CRISP1: variants seen among roughly 807,000 people sequenced by gnomAD.
CRISP1 encodes the protein cysteine rich secretory protein 1.
In CRISP1, 44 loss-of-function variants were observed where a neutral mutation model predicts 33.1. That is an observed-to-expected ratio of 1.33 (90% CI 1.05 to 1.71). The LOEUF is 1.71. CRISP1 is among the 40% of genes most tolerant of loss of function. The pLI is 0.00. For synonymous variants in CRISP1, 103 were observed against 98.7 expected (o/e 1.04, Z -0.26); for missense variants, 390 against 301.2 (o/e 1.29, Z -2.18).
chr6:49,856,032 G>C (rs187116437), intron 2 of CRISP1, among the ~76,000 whole-genome samples: 1 of 152,112 alleles, frequency 6.6e-6, no homozygotes, highest in Non-Finnish European at 1.5e-5. Flanking sequence ...ATAATTCTCT[G>C]TTATAGAGCA....
chr6:49,842,929 A>T (rs1771041477), intron 5 of CRISP1, among the ~76,000 whole-genome samples: 1 of 152,132 alleles, frequency 6.6e-6, no homozygotes. Flanking sequence ...AATTTCTCTG[A>T]TTTCATTGTC....
At chr6:49,856,663 C>A (rs954678978) in intron 2 of CRISP1, among the ~76,000 whole-genome samples, 32 of 152,000 alleles carry the variant, frequency 2.1e-4, no homozygotes, top group Non-Finnish European at 4.4e-4. Flanking sequence ...ATTTTCTATA[C>A]CAAAGTTATT....
chr6:49,874,618 G>C (rs866648004), intron 1 of CRISP1, among the ~76,000 whole-genome samples: 2 of 151,890 alleles, frequency 1.3e-5, no homozygotes, highest in African/African-American at 4.8e-5. Context: ...AAAACTTCAG[G>C]TCAATATCCT....
chr6:49,853,666 T>C (rs1771414967), intron 2 of CRISP1, among the ~76,000 whole-genome samples: 1 of 152,184 alleles, frequency 6.6e-6, no homozygotes, highest in Non-Finnish European at 1.5e-5. Flanking sequence ...TGTTCTTTAA[T>C]ATAATCGAGC....
In CRISP1 at chr6:49,871,704, C is replaced by T. The variant is rs576023502; in HGVS notation, c.-3+5305G>A. On this transcript the variant is annotated intron_variant, in intron 1 of 7. Transcript: ENST00000505118. ...TGAGAATGATGGTTTCCAGCTTCATCCATGTCCCTACAAAGGACATGAACT... is the reference window on the plus strand; with the variant it reads ...TGAGAATGATGGTTTCCAGCTTCATTCATGTCCCTACAAAGGACATGAACT... 1.5e-3 allele frequency among the ~76,000 whole-genome samples: 225 copies of T among 151,974 alleles called. 1 individual carries two copies. Among genetic ancestry groups the T allele is most frequent in the African/African-American group, 5.1e-3 (212 of 41,464 alleles).
chr6:49,858,527 G>A (rs999795348), intron 1 of CRISP1, among the ~76,000 whole-genome samples: 5 of 152,176 alleles, frequency 3.3e-5, no homozygotes, highest in Admixed American at 6.5e-5. Flanking sequence ...CCTGCTGACT[G>A]CCAGACATGC....
At chr6:49,871,905 G>T (rs1582289655) in intron 1 of CRISP1, among the ~76,000 whole-genome samples, 1 of 152,034 alleles carries the variant, frequency 6.6e-6, no homozygotes, top group East Asian at 1.9e-4. Flanking sequence ...AATCCTTTGG[G>T]TATATACCTA....
rs1406443906 is a variant in CRISP1, at chr6:49,835,207, A to T, written c.*109T>A. Reference sequence around the variant, plus strand: ...GGGAGTTAAGGTCTCCAGCATGATTAAAATCAGTGAAATTTAGCAGAAGCT... The same window carrying T: ...GGGAGTTAAGGTCTCCAGCATGATTTAAATCAGTGAAATTTAGCAGAAGCT... On this transcript the variant is annotated 3_prime_UTR_variant, in exon 8 of 8. Coordinates refer to ENST00000335847, the MANE Select transcript of CRISP1 (RefSeq NM_001131.3). The T allele has an allele frequency of 8.3e-7, 1 of 1,209,002 alleles. No homozygotes were observed. The highest frequency in any genetic ancestry group is 1.2e-6 in the Non-Finnish European group (1 of 865,982). 74.9% of individuals were successfully genotyped at this position (1,209,002 alleles called of 1,614,324 possible).
chr6:49,873,589 G>A, intron 1 of CRISP1, among the ~76,000 whole-genome samples: 1 of 151,978 alleles, frequency 6.6e-6, no homozygotes, highest in African/African-American at 2.4e-5. Context: ...AATTAAAAAT[G>A]AAGTTTTCAT....
chr6:49,874,264 G>A (rs1041842518), intron 1 of CRISP1, among the ~76,000 whole-genome samples: 1 of 151,960 alleles, frequency 6.6e-6, no homozygotes, highest in Non-Finnish European at 1.5e-5. Flanking sequence ...AACTAAAACA[G>A]TTATATAGTT....
intron 1 of CRISP1, among the ~76,000 whole-genome samples, chr6:49,876,828 G>C (rs1465217484): frequency 6.6e-6 from 1 of 151,908 alleles, no homozygotes; most frequent in African/African-American, 2.4e-5. Flanking sequence ...AGTGGTTGCT[G>C]AATGATGAGA....
chr6:49,838,882 A>G (rs1282680561), intron 6 of CRISP1, among the ~76,000 whole-genome samples: 3 of 152,196 alleles, frequency 2.0e-5, no homozygotes, highest in Non-Finnish European at 2.9e-5. Context: ...ATTAATACCT[A>G]TAAGGACTTG....
intron 2 of CRISP1, among the ~76,000 whole-genome samples, chr6:49,857,011 T>G (rs1385036102): frequency 6.6e-6 from 1 of 152,166 alleles, no homozygotes; most frequent in Non-Finnish European, 1.5e-5. Flanking sequence ...ATCTGCATTC[T>G]CAGTTTTTTT....
upstream of CRISP1, among the ~76,000 whole-genome samples, chr6:49,869,095 G>A (rs1168687002): frequency 6.6e-6 from 1 of 152,146 alleles, no homozygotes; most frequent in Admixed American, 6.6e-5. Context: ...AGCAATAAAT[G>A]TGGTCTCTTG....
chr6:49,847,795 T>A (rs1771227846), intron 4 of CRISP1, among the ~76,000 whole-genome samples: 2 of 152,164 alleles, frequency 1.3e-5, no homozygotes. Flanking sequence ...TATGGGCAGC[T>A]GAGCAGGGCT....
intron 2 of CRISP1, among the ~76,000 whole-genome samples, chr6:49,855,134 C>A (rs2127475032): frequency 6.6e-6 from 1 of 152,094 alleles, no homozygotes; most frequent in Non-Finnish European, 1.5e-5. Flanking sequence ...TTTCTCTTTC[C>A]TTTCTTTGCT....
At chr6:49,844,700 A>G (rs1052549583) in intron 5 of CRISP1, among the ~76,000 whole-genome samples, 2 of 152,150 alleles carry the variant, frequency 1.3e-5, no homozygotes, top group Non-Finnish European at 2.9e-5. Flanking sequence ...AATTATTCTC[A>G]AGCCTTACTA....
rs1236481348 is a variant in CRISP1 at position 49,835,170 on chromosome 6, A to T, written c.*146T>A. On this transcript the variant is annotated 3_prime_UTR_variant, in exon 8 of 8. Coordinates refer to ENST00000335847, the MANE Select transcript of CRISP1 (RefSeq NM_001131.3). The stretch of plus-strand genomic sequence containing the variant: ...AAGTTTAAAACAGTGTTACTTCAGG[A>T]TGTATCAGGATGGGAGTTAAGGTCT... 4.0e-6 allele frequency: 3 copies of T among 755,766 alleles called. No individual in the cohort carries two copies. In the African/African-American group the frequency reaches 5.3e-5, roughly 13 times the overall value. The allele number at this position is 755,766 out of a possible 1,614,324, so 46.8% of individuals were successfully genotyped here.
chr6:49,843,474 G>A (rs1462045954), intron 5 of CRISP1, among the ~76,000 whole-genome samples: 1 of 152,174 alleles, frequency 6.6e-6, no homozygotes, highest in Non-Finnish European at 1.5e-5. Flanking sequence ...GCACATGTGA[G>A]AACATAGTGA....
Sources: allele counts gnomAD v4.1 joint callset (sites outside exome capture counted in the v4.1 genomes callset), GRCh38; gene constraint gnomAD v4.1.1; transcripts MANE v1.5; gene names NCBI Gene and HGNC (gene_info 2026-07-23, HGNC 2026-07-21).